The following LDB2 variants were observed in gnomAD, a reference collection of about 807,000 sequenced individuals.
LDB2 encodes LIM domain binding 2.
LDB2 carries 12 observed loss-of-function variants against 44.3 expected under a neutral mutation model. That is an observed-to-expected ratio of 0.27 (90% CI 0.17 to 0.44). The LOEUF (loss-of-function observed/expected upper bound fraction) is 0.44, where lower values mean the gene tolerates loss of function less well. Ranked by LOEUF, LDB2 falls within the 20% of genes least tolerant of loss-of-function variation. The pLI is 1.00. For missense variants in LDB2, 344 were observed against 473.5 expected (o/e 0.73, Z 2.54); for synonymous variants, 164 against 174.8 (o/e 0.94, Z 0.49).
intron 2 of LDB2, among the ~76,000 whole-genome samples, chr4:16,742,099 G>A (rs1463924059): frequency 2.6e-5 from 3 of 114,978 alleles, no homozygotes; most frequent in Admixed American, 1.1e-4. Context: ...TTTTGAGAGT[G>A]TCTCACTCTG....
chr4:16,832,278 G>A (rs1784207305), intron 1 of LDB2, among the ~76,000 whole-genome samples: 1 of 152,156 alleles, frequency 6.6e-6, no homozygotes, highest in African/African-American at 2.4e-5. Flanking sequence ...AACAAAGCTG[G>A]TGCAGTGAGA....
At chr4:16,561,324 G>C (rs951854446) in intron 5 of LDB2, among the ~76,000 whole-genome samples, 1 of 152,136 alleles carries the variant, frequency 6.6e-6, no homozygotes, top group African/African-American at 2.4e-5. Flanking sequence ...AAACCCCATC[G>C]TCTCAGCTGA....
intron 2 of LDB2, among the ~76,000 whole-genome samples, chr4:16,646,871 G>A (rs564066402): frequency 6.6e-6 from 1 of 152,318 alleles, no homozygotes; most frequent in Admixed American, 6.5e-5. Context: ...GGAAAAGCAT[G>A]CAGCCACTTT....
At chr4:16,547,730 AG>A (rs1736256129) in intron 5 of LDB2, among the ~76,000 whole-genome samples, 1 of 152,186 alleles carries the variant, frequency 6.6e-6, no homozygotes, top group Admixed American at 6.5e-5. Flanking sequence ...TCTGAAGCCT[AG>A]ATGTTTGGAC....
intron 2 of LDB2, among the ~76,000 whole-genome samples, chr4:16,743,763 C>T (rs1281415756): frequency 6.6e-6 from 1 of 152,136 alleles, no homozygotes; most frequent in Non-Finnish European, 1.5e-5. Context: ...TGCCAACAAG[C>T]CTCAGCCCCA....
chr4:16,564,399 C>T (rs769301704), intron 5 of LDB2, among the ~76,000 whole-genome samples: 1 of 152,096 alleles, frequency 6.6e-6, no homozygotes, highest in Non-Finnish European at 1.5e-5. Flanking sequence ...AAAAATACAG[C>T]TCAATGCCTC....
intron 1 of LDB2, among the ~76,000 whole-genome samples, chr4:16,821,762 A>AAAAAAAAAAAAAG (rs1364519992): frequency 6.7e-6 from 1 of 149,990 alleles, no homozygotes; most frequent in Admixed American, 6.7e-5. Context: ...AAAAAAAAAA[A>AAAAAAAAAAAAAG]AAAAAAAATC....
intron 5 of LDB2, among the ~76,000 whole-genome samples, chr4:16,539,185 A>G (rs1038676461): frequency 6.6e-6 from 1 of 152,194 alleles, no homozygotes; most frequent in Non-Finnish European, 1.5e-5. Flanking sequence ...ATCTTGGGTT[A>G]GACTTTGGGA....
intron 2 of LDB2, among the ~76,000 whole-genome samples, chr4:16,717,367 T>C (rs1757297340): frequency 6.6e-6 from 1 of 152,110 alleles, no homozygotes; most frequent in African/African-American, 2.4e-5. Flanking sequence ...GGATTGTTAC[T>C]TTGAATACAA....
chr4:16,747,307 T>C (rs1475830371), intron 2 of LDB2, among the ~76,000 whole-genome samples: 1 of 152,272 alleles, frequency 6.6e-6, no homozygotes, highest in East Asian at 1.9e-4. Context: ...GAGCTCCAAG[T>C]ACTAAAGCAT....
intron 2 of LDB2, among the ~76,000 whole-genome samples, chr4:16,644,862 T>C (rs945086969): frequency 6.6e-6 from 1 of 152,214 alleles, no homozygotes; most frequent in Non-Finnish European, 1.5e-5. Flanking sequence ...TCAGGTCAAG[T>C]AGCTTTCAGG....
intron 3 of LDB2, among the ~76,000 whole-genome samples, chr4:16,590,295 C>T (rs760172891): frequency 6.6e-6 from 1 of 152,128 alleles, no homozygotes; most frequent in Non-Finnish European, 1.5e-5. Flanking sequence ...TAAAAACAAA[C>T]ATACAACACT....
intron 1 of LDB2, among the ~76,000 whole-genome samples, chr4:16,778,688 C>T (rs1772501624): frequency 6.6e-6 from 1 of 152,164 alleles, no homozygotes; most frequent in African/African-American, 2.4e-5. Context: ...GAAGTGTTTT[C>T]TCTCTCTCAG....
chr4:16,597,169 T>C (rs1322612997), intron 2 of LDB2, among the ~76,000 whole-genome samples: 1 of 152,158 alleles, frequency 6.6e-6, no homozygotes, highest in Non-Finnish European at 1.5e-5. Context: ...AAAATAAGTA[T>C]AAAGAAAATA....
At chr4:16,736,189 G>A (rs1224742428) in intron 2 of LDB2, among the ~76,000 whole-genome samples, 2 of 152,142 alleles carry the variant, frequency 1.3e-5, no homozygotes, top group Non-Finnish European at 2.9e-5. Flanking sequence ...TGCCTCCTTT[G>A]GATCACAGGC....
intron 1 of LDB2, among the ~76,000 whole-genome samples, chr4:16,854,151 A>AAAAAC (rs1788853070): frequency 6.6e-6 from 1 of 152,070 alleles, no homozygotes. Flanking sequence ...CTTGCCAGAA[A>AAAAAC]AAAACAAAAC....
intron 1 of LDB2, among the ~76,000 whole-genome samples, chr4:16,862,813 G>T (rs1240701014): frequency 6.6e-6 from 1 of 152,124 alleles, no homozygotes; most frequent in African/African-American, 2.4e-5. Context: ...AACGATAAGA[G>T]AGATGGGAAG....
intron 2 of LDB2, among the ~76,000 whole-genome samples, chr4:16,617,344 A>G (rs1488027859): frequency 1.3e-5 from 2 of 152,224 alleles, no homozygotes; most frequent in Non-Finnish European, 2.9e-5. Context: ...ACAAAAACAT[A>G]AAATTCAAAT....
At chr4:16,697,456 C>A (rs1446130792) in intron 2 of LDB2, among the ~76,000 whole-genome samples, 9 of 150,822 alleles carry the variant, frequency 6.0e-5, no homozygotes, top group African/African-American at 1.9e-4. Flanking sequence ...AGCAAGACTC[C>A]GTCCCAAAAA....
Sources: allele counts gnomAD v4.1 joint callset (sites outside exome capture counted in the v4.1 genomes callset), GRCh38; gene constraint gnomAD v4.1.1; transcripts MANE v1.5; gene names NCBI Gene and HGNC (gene_info 2026-07-23, HGNC 2026-07-21).